PRKCH: variants seen among roughly 807,000 people sequenced by gnomAD.
PRKCH encodes protein kinase C eta, also known as protein kinase C eta type.
Under a neutral mutation model 82.5 loss-of-function variants are expected in PRKCH, and 28 were observed. That is an observed-to-expected ratio of 0.34 (90% CI 0.25 to 0.47). The LOEUF (loss-of-function observed/expected upper bound fraction) is 0.47, where lower values mean the gene tolerates loss of function less well. PRKCH is among the 20% of genes least tolerant of loss of function. The probability of loss-of-function intolerance (pLI) is 1.00; values close to 1 mark genes in which losing one functional copy is unlikely to be tolerated. For synonymous variants in PRKCH, 322 were observed against 327.4 expected, an observed-to-expected ratio of 0.98 and a Z score of 0.18; for missense variants, 705 against 881.8, an observed-to-expected ratio of 0.80 and a Z score of 2.54.
At chr14:61,428,076 T>TATAC (rs377250538) in intron 2 of PRKCH, among the ~76,000 whole-genome samples, 6 of 126,206 alleles carry the variant, frequency 4.8e-5, no homozygotes, top group Non-Finnish European at 8.2e-5. Context: ...GATAGATAGA[T>TATAC]ACACACACAC....
intron 1 of PRKCH, among the ~76,000 whole-genome samples, chr14:61,354,723 C>T (rs1412653084): frequency 6.6e-6 from 1 of 152,150 alleles, no homozygotes; most frequent in African/African-American, 2.4e-5. Context: ...CCAATGAGGC[C>T]TTTATGTATT....
At chr14:61,423,100 C>T (rs1315073273) in intron 2 of PRKCH, among the ~76,000 whole-genome samples, 1 of 152,182 alleles carries the variant, frequency 6.6e-6, no homozygotes, top group East Asian at 1.9e-4. Context: ...GATTCCGAGG[C>T]AAGGCCCTTT....
chr14:61,508,564 C>T (rs1280148149), intron 10 of PRKCH, among the ~76,000 whole-genome samples: 1 of 152,078 alleles, frequency 6.6e-6, no homozygotes, highest in Non-Finnish European at 1.5e-5. Flanking sequence ...ATGTTCTGGT[C>T]AGTCTTCTGC....
chr14:61,522,072 A>C (rs745841358), intron 10 of PRKCH, among the ~76,000 whole-genome samples: 3 of 152,182 alleles, frequency 2.0e-5, no homozygotes, highest in Admixed American at 6.5e-5. Flanking sequence ...ATGTCTAAAA[A>C]AAGTAGCTCA....
intron 12 of PRKCH, among the ~76,000 whole-genome samples, chr14:61,545,479 T>G (rs1319903862): frequency 2.0e-5 from 3 of 152,220 alleles, no homozygotes; most frequent in Non-Finnish European, 2.9e-5. Context: ...AAGAAACCCC[T>G]AGTGTGCTGC....
intron 1 of PRKCH, among the ~76,000 whole-genome samples, chr14:61,312,595 A>C (rs1347848010): frequency 6.6e-6 from 1 of 152,174 alleles, no homozygotes; most frequent in Non-Finnish European, 1.5e-5. Context: ...TCTCAGTTCC[A>C]CATGGCTGGG....
intron 12 of PRKCH, 57 bp from the exon 13 acceptor site, chr14:61,547,686 G>A (rs1464311847): frequency 2.5e-6 from 4 of 1,573,436 alleles, no homozygotes; most frequent in Non-Finnish European, 1.7e-6. Context: ...CTGCTGTCTT[G>A]TGACGTGCTG....
At chr14:61,228,658 T>C (rs2140057653) in intron 1 of PRKCH, among the ~76,000 whole-genome samples, 1 of 152,062 alleles carries the variant, frequency 6.6e-6, no homozygotes, top group Admixed American at 6.5e-5. Context: ...TGAATAAGAG[T>C]TCATCAAACC....
chr14:61,350,819 C>T (rs1156293368), intron 1 of PRKCH, among the ~76,000 whole-genome samples: 1 of 152,186 alleles, frequency 6.6e-6, no homozygotes, highest in Non-Finnish European at 1.5e-5. Context: ...TCCCCAATAA[C>T]TTTGCTGTTA....
intron 1 of PRKCH, among the ~76,000 whole-genome samples, chr14:61,370,789 A>G (rs2046356224): frequency 6.6e-6 from 1 of 152,024 alleles, no homozygotes; most frequent in African/African-American, 2.4e-5. Flanking sequence ...GCTTGTCTGA[A>G]AACAATTTGC....
At chr14:61,376,947 G>A (rs938878435) in intron 1 of PRKCH, among the ~76,000 whole-genome samples, 3 of 152,198 alleles carry the variant, frequency 2.0e-5, no homozygotes, top group African/African-American at 7.2e-5. Context: ...TGTTGGCAGG[G>A]TAAATTTTAG....
intron 12 of PRKCH, among the ~76,000 whole-genome samples, chr14:61,533,403 T>G (rs930288834): frequency 6.6e-6 from 1 of 151,782 alleles, no homozygotes; most frequent in Non-Finnish European, 1.5e-5. Context: ...ATGAAAACAT[T>G]CAGCTAGTCT....
intron 3 of PRKCH, 45 bp downstream of exon 3, chr14:61,443,306 A>G: frequency 1.6e-5 from 25 of 1,572,966 alleles, no homozygotes; most frequent in Non-Finnish European, 2.1e-5. Flanking sequence ...CTTCCATCTA[A>G]TAGGCTTCCT....
intron 1 of PRKCH, among the ~76,000 whole-genome samples, chr14:61,293,551 A>G (rs973751915): frequency 1.3e-5 from 2 of 152,242 alleles, no homozygotes; most frequent in African/African-American, 4.8e-5. Flanking sequence ...ATACTCAACC[A>G]GAGACCAAAT....
At chr14:61,498,254 T>G (rs1019520867) in intron 10 of PRKCH, among the ~76,000 whole-genome samples, 1 of 152,096 alleles carries the variant, frequency 6.6e-6, no homozygotes. Flanking sequence ...CCTCAAGTGA[T>G]CCCCTACCTG....
intron 1 of PRKCH, among the ~76,000 whole-genome samples, chr14:61,283,148 G>A (rs997267401): frequency 1.1e-4 from 17 of 152,016 alleles, no homozygotes; most frequent in Middle Eastern, 3.4e-3. Context: ...GGGATTATAG[G>A]TGTGAGCCAT....
chr14:61,527,030 C>G (rs1268477589), intron 10 of PRKCH, among the ~76,000 whole-genome samples: 1 of 152,262 alleles, frequency 6.6e-6, no homozygotes, highest in Non-Finnish European at 1.5e-5. Context: ...GCCACCCTCC[C>G]TCTGTAACAG....
At chr14:61,536,516 A>G (rs12435669) in intron 12 of PRKCH, among the ~76,000 whole-genome samples, 21,139 of 152,140 alleles carry the variant, frequency 0.14, 2,057 homozygotes, top group African/African-American at 0.26. Flanking sequence ...TGGGAGGGGC[A>G]TCTTTCCATG....
At chr14:61,424,891 C>G (rs1366843322) in intron 2 of PRKCH, among the ~76,000 whole-genome samples, 1 of 152,252 alleles carries the variant, frequency 6.6e-6, no homozygotes, top group East Asian at 1.9e-4. Flanking sequence ...TTCCCAGCCA[C>G]TCCAGTCATG....
Sources: allele counts gnomAD v4.1 joint callset (sites outside exome capture counted in the v4.1 genomes callset), GRCh38; gene constraint gnomAD v4.1.1; transcripts MANE v1.5; gene names NCBI Gene and HGNC (gene_info 2026-07-23, HGNC 2026-07-21).